The following TPP2 variants were observed in gnomAD, a reference collection of about 807,000 sequenced individuals.
TPP2 encodes the protein tripeptidyl peptidase 2.
Under a neutral mutation model 155.9 loss-of-function variants are expected in TPP2, and 34 were observed. That is an observed-to-expected ratio of 0.22 (90% CI 0.17 to 0.29). The LOEUF (loss-of-function observed/expected upper bound fraction) is 0.29. Among genes scored for constraint, TPP2 ranks in the 10% least tolerant of loss-of-function variants. The pLI is 1.00. For missense variants in TPP2, 1,028 were observed against 1,522.3 expected, an observed-to-expected ratio of 0.68 and a Z score of 5.40; for synonymous variants, 510 against 529.4, an observed-to-expected ratio of 0.96 and a Z score of 0.50.
intron 4 of TPP2, among the ~76,000 whole-genome samples, chr13:102,617,500 A>G (rs1310771844): frequency 2.6e-5 from 4 of 152,206 alleles, no homozygotes; most frequent in African/African-American, 9.7e-5. Flanking sequence ...TAGCCTTTAC[A>G]TGATTGTGAT....
At chr13:102,656,479 T>A (rs915774060) in intron 24 of TPP2, among the ~76,000 whole-genome samples, 11 of 152,132 alleles carry the variant, frequency 7.2e-5, no homozygotes, top group African/African-American at 2.7e-4. Flanking sequence ...AACCACTTTG[T>A]GTCCATCGGC....
At chr13:102,609,067 G>T (rs1880064890) in intron 2 of TPP2, among the ~76,000 whole-genome samples, 1 of 152,154 alleles carries the variant, frequency 6.6e-6, no homozygotes. Context: ...TGGGGTTTAG[G>T]GGAGGAGTGA....
chr13:102,626,950 G>A, intron 6 of TPP2, 62 bp from the exon 7 acceptor site: 1 of 1,411,842 alleles, frequency 7.1e-7, no homozygotes, highest in Non-Finnish European at 9.4e-7. Flanking sequence ...TATGCAAATT[G>A]AATTGAATAA....
intron 5 of TPP2, among the ~76,000 whole-genome samples, chr13:102,620,768 A>C (rs1881097816): frequency 6.6e-6 from 1 of 152,226 alleles, no homozygotes; most frequent in Non-Finnish European, 1.5e-5. Flanking sequence ...TTGTCACTCC[A>C]AATGGAACAA....
At chr13:102,655,536 G>A (rs1260897394) in intron 24 of TPP2, among the ~76,000 whole-genome samples, 1 of 152,206 alleles carries the variant, frequency 6.6e-6, no homozygotes, top group Non-Finnish European at 1.5e-5. Flanking sequence ...AGCAGGTATA[G>A]CATGTGATTT....
chr13:102,604,723 G>A (rs1879690956), intron 1 of TPP2, 70 bp from the exon 2 acceptor site: 3 of 1,508,842 alleles, frequency 2.0e-6, no homozygotes, highest in Non-Finnish European at 2.7e-6. Context: ...ACATATATAT[G>A]TGGATTTGCA....
rs767896827 is a variant in TPP2 at position 102,643,303 on chromosome 13, A to G, written c.2102A>G (p.Tyr701Cys). 2 of 1,613,500 alleles carry G rather than the reference A, an allele frequency of 1.2e-6. No individual in the cohort carries two copies. The highest frequency in any genetic ancestry group is 8.5e-7 in the Non-Finnish European group (1 of 1,179,742). Reference protein sequence around the residue: ...HAVQLVKQRAYRSHEFYKFCS... With the variant: ...HAVQLVKQRACRSHEFYKFCS... Reference sequence around the variant, plus strand: ...GTCCAGCTTGTGAAGCAAAGAGCATATCGAAGCCATGAATTCTATAAGTTT... The same window carrying G: ...GTCCAGCTTGTGAAGCAAAGAGCATGTCGAAGCCATGAATTCTATAAGTTT... Residue 701 changes from tyrosine (Y) to cysteine (C), a missense_variant, in exon 17 of 30, where the codon TAT (tyrosine) becomes TGT (cysteine). Transcript: ENST00000376052.
intron 26 of TPP2, 23 bp downstream of exon 26, chr13:102,663,767 T>C (rs764928657): frequency 5.9e-6 from 9 of 1,525,144 alleles, no homozygotes; most frequent in Non-Finnish European, 8.0e-6. Flanking sequence ...CATTCTGATA[T>C]ATCTTATTTT....
At chr13:102,649,598 G>C in intron 23 of TPP2, 112 bp downstream of exon 23, 1 of 906,666 alleles carries the variant, frequency 1.1e-6, no homozygotes, top group Non-Finnish European at 1.6e-6. Flanking sequence ...TATACTCTTG[G>C]GGAAAAAAAT....
chr13:102,624,050 TTA>T (rs1226952534), intron 6 of TPP2, among the ~76,000 whole-genome samples: 1 of 152,222 alleles, frequency 6.6e-6, no homozygotes. Context: ...GCCGAATGTA[TTA>T]TATAGCAATC....
chr13:102,669,345 G>C (rs758919275), intron 27 of TPP2, among the ~76,000 whole-genome samples: 7 of 152,066 alleles, frequency 4.6e-5, no homozygotes, highest in Non-Finnish European at 8.8e-5. Flanking sequence ...GTGGATTGTT[G>C]GATGTTCCAC....
chr13:102,626,940 T>A, intron 6 of TPP2, 72 bp from the exon 7 acceptor site: 1 of 1,380,564 alleles, frequency 7.2e-7, no homozygotes, highest in Non-Finnish European at 9.6e-7. Context: ...TGATTAATAA[T>A]ATGCAAATTG....
At chr13:102,669,977 C>G (rs573367921) in intron 27 of TPP2, among the ~76,000 whole-genome samples, 2 of 152,248 alleles carry the variant, frequency 1.3e-5, no homozygotes, top group Middle Eastern at 3.4e-3. Context: ...ACAGAGTAAG[C>G]AGAGTCACTA....
At chr13:102,630,686 C>A (rs1185374791) in intron 10 of TPP2, among the ~76,000 whole-genome samples, 3 of 152,204 alleles carry the variant, frequency 2.0e-5, no homozygotes, top group African/African-American at 2.4e-5. Context: ...TGAAGTCTAT[C>A]TCTTTTGGTT....
chr13:102,623,155 G>C (rs1026725241), intron 6 of TPP2, 115 bp downstream of exon 6: 1 of 1,128,680 alleles, frequency 8.9e-7, no homozygotes, highest in Non-Finnish European at 1.2e-6. Flanking sequence ...CGTAGCTAAA[G>C]GACTAGGTCC....
rs142417287 is a variant in TPP2, at chr13:102,606,038, T to C, written c.294+1117T>C. Among the ~76,000 whole-genome samples, 476 of 152,332 alleles carry C rather than the reference T, an allele frequency of 3.1e-3. 3 individuals are homozygous for C. Among genetic ancestry groups the C allele is most frequent in the African/African-American group, 0.011 (449 of 41,568 alleles). On this transcript the variant is annotated intron_variant, in intron 2 of 29. Coordinates refer to ENST00000376052, the MANE Select transcript of TPP2 (RefSeq NM_001330588.2). Reference sequence around the variant, plus strand: ...CACTCGGCCTACCAGCTTTGTCTTATTCTATGTCCTTGGTAGAAAGGCCTG... The same window carrying C: ...CACTCGGCCTACCAGCTTTGTCTTACTCTATGTCCTTGGTAGAAAGGCCTG...
At chr13:102,671,927 G>T (rs34559643) in intron 27 of TPP2, among the ~76,000 whole-genome samples, 1 of 152,142 alleles carries the variant, frequency 6.6e-6, no homozygotes, top group African/African-American at 2.4e-5. Flanking sequence ...TACTGTTGCT[G>T]TTGAGCTGAT....
intron 27 of TPP2, 62 bp downstream of exon 27, chr13:102,664,987 A>G (rs1277824625): frequency 6.3e-7 from 1 of 1,583,894 alleles, no homozygotes; most frequent in African/African-American, 1.4e-5. Flanking sequence ...TTTAAAAAGT[A>G]GGGACTAATA....
intron 29 of TPP2, among the ~76,000 whole-genome samples, chr13:102,677,106 T>C (rs1885321122): frequency 1.3e-5 from 2 of 152,218 alleles, no homozygotes; most frequent in Admixed American, 1.3e-4. Context: ...AAATGTTTGA[T>C]AATTAGAGTA....
Sources: gnomAD v4.1 joint callset for allele counts (sites outside exome capture counted in the v4.1 genomes callset) on GRCh38, gnomAD v4.1.1 for gene constraint, MANE v1.5 for transcripts, NCBI Gene and HGNC (gene_info 2026-07-23, HGNC 2026-07-21) for gene names.